Variants in CCDC102B observed in about 807,000 individuals in gnomAD.
CCDC102B encodes the protein coiled-coil domain containing 102B.
CCDC102B carries 75 observed loss-of-function variants against 57.4 expected under a neutral mutation model. That is an observed-to-expected ratio of 1.31 (90% confidence interval 1.08 to 1.58). CCDC102B has a LOEUF of 1.58. CCDC102B is among the 40% of genes most tolerant of loss of function. The pLI is 0.00. For missense variants in CCDC102B, 636 were observed against 582.6 expected (o/e 1.09, Z -0.94); for synonymous variants, 206 against 201.9 (o/e 1.02, Z -0.17).
chr18:68,857,493 G>T, intron 4 of CCDC102B, among the ~76,000 whole-genome samples: 1 of 142,812 alleles, frequency 7.0e-6, no homozygotes. Context: ...CTTTATTTTT[G>T]CATATACATT....
chr18:68,770,557 G>T (rs868128088), intron 2 of CCDC102B, among the ~76,000 whole-genome samples: 14 of 152,268 alleles, frequency 9.2e-5, no homozygotes, highest in East Asian at 5.8e-4. Context: ...TACCTCAGAG[G>T]GGGGAGAATT....
At chr18:68,935,498 G>C (rs1220608256) in intron 6 of CCDC102B, among the ~76,000 whole-genome samples, 4 of 151,912 alleles carry the variant, frequency 2.6e-5, no homozygotes, top group African/African-American at 9.7e-5. Flanking sequence ...TTTTATCTAT[G>C]TTAACTTTGA....
chr18:68,811,469 G>C (rs2036261804), intron 1 of CCDC102B, among the ~76,000 whole-genome samples: 1 of 152,110 alleles, frequency 6.6e-6, no homozygotes, highest in South Asian at 2.1e-4. Context: ...ACAAAAATTA[G>C]CTGGGTGTGG....
intron 2 of CCDC102B, among the ~76,000 whole-genome samples, chr18:68,745,305 G>A (rs1014474104): frequency 6.6e-6 from 1 of 151,832 alleles, no homozygotes; most frequent in Non-Finnish European, 1.5e-5. Flanking sequence ...CAAGCATGTG[G>A]GGTTGCAGTG....
At position 68,897,428 on chromosome 18, in the gene CCDC102B, G is replaced by T; in HGVS notation, c.1263G>T (p.Gln421His). ...AAATTGATCTGCAAGAAAAAAACCA[G>T]GTATGGGTGCTCCTTGGAGCAAATT... is the stretch of plus-strand genomic sequence containing the variant. ...MSQIDLQEKN[Q>H]ELLNLQHAYY... Residue 421 changes from glutamine to histidine, a missense_variant and splice_region_variant, in exon 6 of 8, where the codon CAG (glutamine) becomes CAT (histidine). By Grantham distance (24) the Gln-to-His change is conservative. Transcript: ENST00000360242. 1.2e-6 allele frequency: 2 copies of T among 1,610,666 alleles called. No homozygotes were observed. The highest frequency in any genetic ancestry group is 2.2e-5 in the South Asian group (2 of 90,834).
chr18:68,984,804 T>G (rs1174439130), intron 6 of CCDC102B, among the ~76,000 whole-genome samples: 1 of 152,154 alleles, frequency 6.6e-6, no homozygotes, highest in African/African-American at 2.4e-5. Context: ...CATATTAAAA[T>G]GTATCATATT....
chr18:68,996,955 C>T (rs1006333450), intron 6 of CCDC102B, among the ~76,000 whole-genome samples: 1 of 152,150 alleles, frequency 6.6e-6, no homozygotes, highest in Admixed American at 6.5e-5. Context: ...AAAGGAGAAA[C>T]CAGATGGAGC....
At chr18:68,860,475 C>CAAAAAAAAAAAAAAAAAAAAAAAA (rs1169097862) in intron 4 of CCDC102B, among the ~76,000 whole-genome samples, 8 of 53,024 alleles carry the variant, frequency 1.5e-4, no homozygotes, top group Admixed American at 2.2e-4. Context: ...AAAACAAAAA[C>CAAAAAAAAAAAAAAAAAAAAAAAA]AAAAAAAAAA....
At chr18:68,736,610 T>G (rs1196452398) in intron 2 of CCDC102B, among the ~76,000 whole-genome samples, 3 of 152,192 alleles carry the variant, frequency 2.0e-5, no homozygotes, top group African/African-American at 7.2e-5. Flanking sequence ...ATGTTTTTAT[T>G]TTGAAGATTT....
intron 7 of CCDC102B, among the ~76,000 whole-genome samples, chr18:69,039,729 A>C (rs1234637273): frequency 2.0e-5 from 3 of 151,888 alleles, no homozygotes; most frequent in African/African-American, 4.8e-5. Context: ...ATGTTTAATA[A>C]ATTTATTTTT....
At chr18:68,789,465 C>T (rs1391233846) in intron 2 of CCDC102B, among the ~76,000 whole-genome samples, 2 of 152,090 alleles carry the variant, frequency 1.3e-5, no homozygotes, top group African/African-American at 4.8e-5. Context: ...TTTCAGGTAC[C>T]CCAATCAGAC....
intron 6 of CCDC102B, among the ~76,000 whole-genome samples, chr18:68,953,329 T>C (rs1179304345): frequency 6.6e-6 from 1 of 151,104 alleles, no homozygotes; most frequent in African/African-American, 2.4e-5. Flanking sequence ...AGGTTCCAAG[T>C]TCTTCACACT....
At chr18:68,794,282 G>A (rs559318258), upstream of CCDC102B, among the ~76,000 whole-genome samples, 3 of 152,130 alleles carry the variant, frequency 2.0e-5, no homozygotes, top group Middle Eastern at 3.4e-3. Context: ...TCCTTGTCTT[G>A]TTCAAGGAAT....
chr18:68,782,984 CATTTA>C (rs1161480945), intron 2 of CCDC102B, among the ~76,000 whole-genome samples: 1 of 152,156 alleles, frequency 6.6e-6, no homozygotes, highest in African/African-American at 2.4e-5. Context: ...CTGCCATTTA[CATTTA>C]ATGAGTGTTT....
chr18:68,965,307 ATT>A (rs71176924), intron 6 of CCDC102B, among the ~76,000 whole-genome samples: 4 of 148,302 alleles, frequency 2.7e-5, no homozygotes, highest in Admixed American at 1.3e-4. Flanking sequence ...TTCAAGTGAG[ATT>A]TTTTTTTTCC....
chr18:68,968,193 C>G (rs1003384121), intron 6 of CCDC102B, among the ~76,000 whole-genome samples: 5 of 152,132 alleles, frequency 3.3e-5, no homozygotes, highest in African/African-American at 1.2e-4. Context: ...ATATAGCCTA[C>G]TACACATGTA....
intron 7 of CCDC102B, among the ~76,000 whole-genome samples, chr18:69,037,028 TACACACACAC>T (rs3059238): frequency 7.3e-5 from 11 of 150,050 alleles, no homozygotes; most frequent in African/African-American, 2.7e-4. Context: ...GGTGTATATA[TACACACACAC>T]ACACACACAC....
chr18:68,810,694 T>A (rs1299771097), intron 1 of CCDC102B, among the ~76,000 whole-genome samples: 97 of 142,706 alleles, frequency 6.8e-4, no homozygotes, highest in African/African-American at 2.5e-3. Flanking sequence ...TTTTTTTTTT[T>A]TTTTTTTTTT....
upstream of CCDC102B, among the ~76,000 whole-genome samples, chr18:68,797,757 C>CTTT (rs11409982): frequency 7.7e-4 from 98 of 128,048 alleles, no homozygotes; most frequent in Middle Eastern, 4.3e-3. Context: ...ACTTCCTGGG[C>CTTT]TTTTTTTTTT....
Sources: gnomAD v4.1 joint callset for allele counts (sites outside exome capture counted in the v4.1 genomes callset) on GRCh38, gnomAD v4.1.1 for gene constraint, MANE v1.5 for transcripts, NCBI Gene and HGNC (gene_info 2026-07-23, HGNC 2026-07-21) for gene names.